The following CTNND2 variants were observed in gnomAD, a reference collection of about 807,000 sequenced individuals.
CTNND2 encodes the protein catenin delta 2, also known as catenin delta-2.
Under a neutral mutation model 144.4 loss-of-function variants are expected in CTNND2, and 22 were observed. That is an observed-to-expected ratio of 0.15 (90% CI 0.11 to 0.22). CTNND2 has a LOEUF of 0.22. Among genes scored for constraint, CTNND2 ranks in the 10% least tolerant of loss-of-function variants. The pLI is 1.00. For synonymous variants in CTNND2, 751 were observed against 695.6 expected, an observed-to-expected ratio of 1.08 and a Z score of -1.25; for missense variants, 1,353 against 1,618.8, an observed-to-expected ratio of 0.84 and a Z score of 2.82.
At chr5:11,232,012 C>A (rs1278383889) in intron 10 of CTNND2, among the ~76,000 whole-genome samples, 1 of 152,220 alleles carries the variant, frequency 6.6e-6, no homozygotes, top group Non-Finnish European at 1.5e-5. Flanking sequence ...GGTGTGAGCC[C>A]CAAGCCTTGG....
chr5:11,033,151 A>C (rs1743667369), intron 16 of CTNND2, among the ~76,000 whole-genome samples: 1 of 152,234 alleles, frequency 6.6e-6, no homozygotes, highest in African/African-American at 2.4e-5. Flanking sequence ...GAAATATAGA[A>C]ATATGCCAAT....
At chr5:11,090,253 T>C (rs1429373603) in intron 15 of CTNND2, among the ~76,000 whole-genome samples, 1 of 152,226 alleles carries the variant, frequency 6.6e-6, no homozygotes, top group African/African-American at 2.4e-5. Context: ...TGTGTTAGAA[T>C]TCCTCTGTGA....
At chr5:11,898,211 T>G (rs959607949) in intron 1 of CTNND2, among the ~76,000 whole-genome samples, 2 of 152,202 alleles carry the variant, frequency 1.3e-5, no homozygotes, top group African/African-American at 4.8e-5. Flanking sequence ...CATGCTGAGA[T>G]GGGGAGTGGG....
intron 2 of CTNND2, among the ~76,000 whole-genome samples, chr5:11,668,138 A>G (rs190335406): frequency 0.012 from 1,800 of 152,292 alleles, 28 homozygotes; most frequent in African/African-American, 0.042. Flanking sequence ...CTGTTTTGGT[A>G]CCAGTACCAT....
At chr5:11,205,725 C>A (rs1213857155) in intron 10 of CTNND2, among the ~76,000 whole-genome samples, 1 of 152,134 alleles carries the variant, frequency 6.6e-6, no homozygotes, top group African/African-American at 2.4e-5. Flanking sequence ...TCATAAAGGT[C>A]ATAATTTTTT....
intron 3 of CTNND2, among the ~76,000 whole-genome samples, chr5:11,535,475 A>G (rs1158168830): frequency 1.3e-5 from 2 of 152,174 alleles, no homozygotes; most frequent in East Asian, 1.9e-4. Context: ...CATGATAACT[A>G]TGAAATTTCT....
chr5:11,608,004 C>A (rs1043611799), intron 2 of CTNND2, among the ~76,000 whole-genome samples: 3 of 152,048 alleles, frequency 2.0e-5, no homozygotes, highest in African/African-American at 7.2e-5. Context: ...TCAACAGTTC[C>A]CAACAAATCT....
rs75199991 is a variant in CTNND2, at chr5:11,117,134, T to TA, written c.2277+315dup. ...CTTTTCTGTTGAAAGTGGATTACATTAAAAAAAAAAAACTAGAAGCTTGTG... is the reference window on the plus strand; with the variant it reads ...CTTTTCTGTTGAAAGTGGATTACATTAAAAAAAAAAAAACTAGAAGCTTGTG... On this transcript the variant is annotated intron_variant, in intron 13 of 21. Coordinates refer to ENST00000304623, the MANE Select transcript of CTNND2 (RefSeq NM_001332.4). 7.2e-3 allele frequency among the ~76,000 whole-genome samples: 1,047 copies of TA among 145,672 alleles called. 1 individual carries two copies. Among genetic ancestry groups the TA allele is most frequent in the African/African-American group, 0.011 (424 of 40,344 alleles).
At chr5:11,211,753 T>A (rs1400836206) in intron 10 of CTNND2, among the ~76,000 whole-genome samples, 1 of 152,224 alleles carries the variant, frequency 6.6e-6, no homozygotes, top group African/African-American at 2.4e-5. Flanking sequence ...ATAACATCTT[T>A]CTAAAATATA....
intron 1 of CTNND2, among the ~76,000 whole-genome samples, chr5:11,754,674 T>A (rs971621196): frequency 2.0e-5 from 3 of 151,740 alleles, no homozygotes; most frequent in African/African-American, 7.2e-5. Context: ...ATAGCTATGT[T>A]TTCTTGTTGA....
intron 10 of CTNND2, among the ~76,000 whole-genome samples, chr5:11,218,455 T>C (rs1442000697): frequency 6.6e-6 from 1 of 152,200 alleles, no homozygotes; most frequent in Non-Finnish European, 1.5e-5. Flanking sequence ...ATAAAAGTTT[T>C]GGGCCATGGG....
chr5:11,713,066 T>C (rs542023349), intron 2 of CTNND2, among the ~76,000 whole-genome samples: 2 of 152,290 alleles, frequency 1.3e-5, no homozygotes, highest in Admixed American at 1.3e-4. Context: ...AATGAGAACA[T>C]AGGATATTCC....
At chr5:11,664,361 G>C (rs1266749239) in intron 2 of CTNND2, among the ~76,000 whole-genome samples, 1 of 152,142 alleles carries the variant, frequency 6.6e-6, no homozygotes, top group Admixed American at 6.6e-5. Context: ...GGGAGGCCAA[G>C]GCCAGCGGAT....
chr5:11,043,935 C>A (rs561625368), intron 16 of CTNND2, among the ~76,000 whole-genome samples: 6 of 152,316 alleles, frequency 3.9e-5, no homozygotes, highest in Admixed American at 3.3e-4. Context: ...TCTGAAATTG[C>A]AATTTTTGGA....
chr5:11,515,498 T>G (rs537140205), intron 3 of CTNND2, among the ~76,000 whole-genome samples: 9 of 152,232 alleles, frequency 5.9e-5, no homozygotes, highest in Non-Finnish European at 1.2e-4. Flanking sequence ...GGGTTCATGA[T>G]GTTATAATTA....
chr5:11,808,547 T>C (rs1248267939), intron 1 of CTNND2, among the ~76,000 whole-genome samples: 1 of 152,242 alleles, frequency 6.6e-6, no homozygotes, highest in African/African-American at 2.4e-5. Flanking sequence ...GTGCTTTTCA[T>C]AGCTGCCAGA....
At chr5:11,762,591 A>T (rs774313203) in intron 1 of CTNND2, among the ~76,000 whole-genome samples, 1 of 152,230 alleles carries the variant, frequency 6.6e-6, no homozygotes, top group African/African-American at 2.4e-5. Context: ...TTTAAGATGG[A>T]TGATAGCAAT....
At chr5:11,553,627 A>G (rs1185671892) in intron 3 of CTNND2, among the ~76,000 whole-genome samples, 2 of 152,218 alleles carry the variant, frequency 1.3e-5, no homozygotes, top group Non-Finnish European at 2.9e-5. Context: ...TCATAAAAAC[A>G]TAACAATGAA....
In CTNND2 at chr5:11,400,632, T is replaced by C. The variant is rs16901575; in HGVS notation, c.440-3429A>G. Reference sequence around the variant, plus strand: ...CCTTAACTGGATAGAGAGAAGAAATTCCAAGGGAACTACAAAGTTGATTCC... The same window carrying C: ...CCTTAACTGGATAGAGAGAAGAAATCCCAAGGGAACTACAAAGTTGATTCC... On this transcript the variant is annotated intron_variant, in intron 5 of 21. Coordinates refer to ENST00000304623, the MANE Select transcript of CTNND2 (RefSeq NM_001332.4). Among the ~76,000 whole-genome samples, 339 of 152,306 alleles carry C rather than the reference T, an allele frequency of 2.2e-3. 11 individuals are homozygous for C. In the East Asian group the frequency reaches 0.056, roughly 25 times the overall value.
Sources: allele counts gnomAD v4.1 joint callset (sites outside exome capture counted in the v4.1 genomes callset), GRCh38; gene constraint gnomAD v4.1.1; transcripts MANE v1.5; gene names NCBI Gene and HGNC (gene_info 2026-07-23, HGNC 2026-07-21).